Variants in NLRP5 observed in about 807,000 individuals in gnomAD.
NLRP5 encodes NACHT, LRR and PYD domains-containing protein 5.
A neutral mutation model predicts 113.1 loss-of-function variants in NLRP5; 93 were observed. The observed-to-expected ratio is 0.82, with a 90% confidence interval of 0.70 to 0.98. NLRP5 has a LOEUF of 0.98. NLRP5 is among the 50% of genes least tolerant of loss of function. The pLI is 0.00. For synonymous variants in NLRP5, 751 were observed against 600.7 expected, an observed-to-expected ratio of 1.25 and a Z score of -3.66; for missense variants, 1,808 against 1,514.3, an observed-to-expected ratio of 1.19 and a Z score of -3.22.
chr19:56,058,128 TG>T (rs1984224131), intron 13 of NLRP5, 111 bp from the exon 14 acceptor site: 2 of 792,792 alleles, frequency 2.5e-6, no homozygotes, highest in African/African-American at 2.0e-5. Flanking sequence ...TGTTTGTTTT[TG>T]TTTTGTTTTG....
intron 7 of NLRP5, 136 bp from the exon 8 acceptor site, chr19:56,032,475 G>T: frequency 1.6e-6 from 1 of 637,060 alleles, no homozygotes; most frequent in Admixed American, 2.9e-5. Flanking sequence ...GATGGCAGCC[G>T]CTAAGTTGCC....
upstream of NLRP5, chr19:55,999,717 G>A (rs199475762): frequency 1.2e-4 from 188 of 1,606,434 alleles, no homozygotes; most frequent in Non-Finnish European, 1.5e-4. Context: ...TTTCCATGGC[G>A]ATGTTATCAT....
chr19:56,060,742 T>G (rs1984321559), intron 14 of NLRP5, among the ~76,000 whole-genome samples: 1 of 152,084 alleles, frequency 6.6e-6, no homozygotes, highest in South Asian at 2.1e-4. Flanking sequence ...AGAGAATTAC[T>G]TTTATTCTAT....
chr19:56,035,021 G>A (rs867427109), intron 9 of NLRP5, among the ~76,000 whole-genome samples: 5 of 152,174 alleles, frequency 3.3e-5, no homozygotes, highest in South Asian at 4.1e-4. Context: ...TCACTGCAAC[G>A]TCCACCTCCC....
At chr19:56,007,019 G>A (rs1474375962) in intron 2 of NLRP5, among the ~76,000 whole-genome samples, 4 of 151,020 alleles carry the variant, frequency 2.6e-5, no homozygotes, top group Admixed American at 1.3e-4. Context: ...GATTACAGGT[G>A]TGAGCCACTG....
chr19:55,998,656 A>ATGTGTGTGTGTG (rs1451449123), upstream of NLRP5, among the ~76,000 whole-genome samples: 8 of 29,592 alleles, frequency 2.7e-4, no homozygotes, highest in South Asian at 1.5e-3. Flanking sequence ...TCGTCTCAAA[A>ATGTGTGTGTGTG]TATGTGTGTG....
intron 2 of NLRP5, among the ~76,000 whole-genome samples, chr19:56,008,526 C>T (rs1982039217): frequency 6.6e-6 from 1 of 152,130 alleles, no homozygotes; most frequent in Non-Finnish European, 1.5e-5. Context: ...CCACAATTAA[C>T]CTCATTGTGT....
chr19:56,003,627 AGAATT>A, intron 1 of NLRP5, 104 bp from the exon 2 acceptor site: 1 of 1,301,448 alleles, frequency 7.7e-7, no homozygotes. Context: ...TCGTCCATGA[AGAATT>A]GAAAAGAGAA....
chr19:55,999,923 G>A (rs760423004), intron 1 of NLRP5: 35 of 702,224 alleles, frequency 5.0e-5, no homozygotes, highest in Admixed American at 2.1e-4. Context: ...AACACTCCCC[G>A]GGGTAGAAAG....
In NLRP5 at chr19:56,028,317, A is replaced by G. The variant is rs779569293; in HGVS notation, c.2084A>G (p.Gln695Arg). 6.2e-6 allele frequency: 10 copies of G among 1,613,858 alleles called. No homozygotes were observed. The highest frequency in any genetic ancestry group is 6.8e-6 in the Non-Finnish European group (8 of 1,179,896). Reference sequence around the variant, plus strand: ...GCCTTCCACTGTCTTTTCGAGACTCAAGACAAAGAGTTTGTTCGCTTGGCA... The same window carrying G: ...GCCTTCCACTGTCTTTTCGAGACTCGAGACAAAGAGTTTGTTCGCTTGGCA... The change falls in exon 7 of 15, where the codon CAA becomes CGA. Residue 695 changes from glutamine to arginine, a missense_variant. Transcript: ENST00000390649.
At position 56,053,636 on chromosome 19, in the gene NLRP5, A is replaced by T; in HGVS notation, c.3129-2A>T. ...ACTCTCTCTATTCCCCGCCTCTTGC[A>T]GGTTGGTAAAGTGTCATCTCACCGC... On this transcript the variant is annotated splice_acceptor_variant, in intron 12 of 14. Coordinates refer to ENST00000390649, the MANE Select transcript of NLRP5 (RefSeq NM_153447.4). LOFTEE classifies it high-confidence loss of function. 1 of 1,611,692 alleles carries T rather than the reference A, an allele frequency of 6.2e-7. No homozygotes were observed. The highest frequency in any genetic ancestry group is 8.5e-7 in the Non-Finnish European group (1 of 1,178,444).
In NLRP5 at chr19:56,041,000, C is replaced by T. The variant is rs1983501453; in HGVS notation, c.2865C>T (p.His955=). The T allele has an allele frequency of 6.2e-7, 1 of 1,613,852 alleles. No homozygotes were observed. Among genetic ancestry groups the T allele is most frequent in the African/African-American group, 1.3e-5 (1 of 74,916 alleles). The change falls in exon 11 of 15, where the codon CAC becomes CAT. Residue 955 remains histidine, a synonymous_variant. Coordinates refer to ENST00000390649, the MANE Select transcript of NLRP5 (RefSeq NM_153447.4). ...TCGTCAGCAACCGGAGCTTGACACA[C>T]CTGTGCCTATCCAACAACAGCCTGG...
chr19:55,995,242 G>A (rs1981288028), upstream of NLRP5, among the ~76,000 whole-genome samples: 1 of 152,114 alleles, frequency 6.6e-6, no homozygotes, highest in South Asian at 2.1e-4. Flanking sequence ...ATAGCATTAG[G>A]AGAAATACCT....
At chr19:56,021,416 C>G (rs927467488) in intron 6 of NLRP5, among the ~76,000 whole-genome samples, 13 of 152,254 alleles carry the variant, frequency 8.5e-5, no homozygotes, top group East Asian at 7.7e-4. Context: ...ATCCAACTGT[C>G]ATCACTAATT....
At chr19:56,058,473 G>C in intron 14 of NLRP5, 63 bp downstream of exon 14, 1 of 1,457,314 alleles carries the variant, frequency 6.9e-7, no homozygotes, top group Non-Finnish European at 9.3e-7. Context: ...TTGTTAGCTG[G>C]TGGAGAAGCA....
chr19:56,012,146 C>G (rs1220816202), intron 3 of NLRP5, among the ~76,000 whole-genome samples: 1 of 151,792 alleles, frequency 6.6e-6, no homozygotes, highest in African/African-American at 2.4e-5. Context: ...GTAGTGGCTG[C>G]TTTTTTTCTT....
rs1982989794 is a variant in NLRP5, at chr19:56,029,020, C to T, written c.2276+511C>T. On this transcript the variant is annotated intron_variant, in intron 7 of 14. Transcript: ENST00000390649. ...CCTCAGGTGATCCACCCGCCTCAGC[C>T]TCCCAAAGTGCTGGGATTACAGGCA... Among the ~76,000 whole-genome samples, 4 of 152,142 alleles carry T rather than the reference C, an allele frequency of 2.6e-5. No individual in the cohort carries two copies. The South Asian group carries it at 6.2e-4, about 24-fold the overall frequency.
intron 2 of NLRP5, among the ~76,000 whole-genome samples, chr19:56,007,370 T>TA (rs1555764262): frequency 1.3e-5 from 2 of 150,042 alleles, no homozygotes; most frequent in African/African-American, 5.0e-5. Flanking sequence ...TTTTTTTTTT[T>TA]TATAGAAAGT....
chr19:56,021,043 T>G (rs145095064), intron 6 of NLRP5, among the ~76,000 whole-genome samples: 5,085 of 152,136 alleles, frequency 0.033, 289 homozygotes, highest in African/African-American at 0.12. Context: ...GACTAATTTT[T>G]GTATTTTTAG....
Sources: allele counts gnomAD v4.1 joint callset (sites outside exome capture counted in the v4.1 genomes callset), GRCh38; gene constraint gnomAD v4.1.1; transcripts MANE v1.5; gene names NCBI Gene and HGNC (gene_info 2026-07-23, HGNC 2026-07-21).